The following LAMA3 variants were observed in gnomAD, a reference collection of about 807,000 sequenced individuals.
LAMA3 encodes the protein laminin subunit alpha 3, also known as laminin subunit alpha-3.
Under a neutral mutation model 402.0 loss-of-function variants are expected in LAMA3, and 281 were observed. That is an observed-to-expected ratio of 0.70 (90% CI 0.63 to 0.77). The LOEUF (loss-of-function observed/expected upper bound fraction) is 0.77, where lower values mean the gene tolerates loss of function less well. Among genes scored for constraint, LAMA3 ranks in the 30% least tolerant of loss-of-function variants. The pLI is 0.00. For synonymous variants in LAMA3, 1,431 were observed against 1,558.4 expected (o/e 0.92, Z 1.93); for missense variants, 3,840 against 4,215.5 (o/e 0.91, Z 2.47).
At chr18:23,782,414 G>T (rs1407330987) in intron 11 of LAMA3, among the ~76,000 whole-genome samples, 1 of 152,126 alleles carries the variant, frequency 6.6e-6, no homozygotes, top group African/African-American at 2.4e-5. Flanking sequence ...AAATTAGTCA[G>T]ATGTGGCACA....
chr18:23,730,363 T>C (rs1329683816), intron 2 of LAMA3, among the ~76,000 whole-genome samples: 2 of 142,104 alleles, frequency 1.4e-5, no homozygotes, highest in African/African-American at 5.1e-5. Flanking sequence ...TTTTTCTTTT[T>C]CTTTCTTTTT....
chr18:23,941,272 T>C (rs1248848470), intron 68 of LAMA3, among the ~76,000 whole-genome samples: 1 of 149,488 alleles, frequency 6.7e-6, no homozygotes, highest in Non-Finnish European at 1.5e-5. Context: ...GGAGGCCCCT[T>C]TCCCCAGCCT....
chr18:23,846,546 G>A (rs761927410), intron 31 of LAMA3, 38 bp downstream of exon 31: 10 of 1,560,674 alleles, frequency 6.4e-6, no homozygotes, highest in Non-Finnish European at 7.8e-6. Flanking sequence ...TTCTGCTCTG[G>A]TCCCGTGTGG....
intron 32 of LAMA3, among the ~76,000 whole-genome samples, chr18:23,857,466 C>G (rs1230746595): frequency 6.6e-6 from 1 of 152,252 alleles, no homozygotes; most frequent in Non-Finnish European, 1.5e-5. Flanking sequence ...GTCATTTCCC[C>G]CAGGGAAACT....
At chr18:23,838,933 G>A in intron 26 of LAMA3, 55 bp downstream of exon 26, 1 of 1,046,136 alleles carries the variant, frequency 9.6e-7, no homozygotes, top group South Asian at 1.3e-5. Context: ...ACTGGGATGA[G>A]TGTAAGGCTG....
chr18:23,776,680 T>C (rs2062326770), intron 10 of LAMA3, among the ~76,000 whole-genome samples: 1 of 152,088 alleles, frequency 6.6e-6, no homozygotes, highest in Non-Finnish European at 1.5e-5. Context: ...CTCACATGAA[T>C]GGGTAACTAT....
intron 8 of LAMA3, among the ~76,000 whole-genome samples, chr18:23,769,912 A>G (rs1398108724): frequency 6.6e-6 from 1 of 152,244 alleles, no homozygotes; most frequent in Admixed American, 6.5e-5. Flanking sequence ...AATGAATGGG[A>G]AAAAATATAC....
intron 27 of LAMA3, among the ~76,000 whole-genome samples, chr18:23,841,318 T>A (rs1415758320): frequency 6.6e-6 from 1 of 152,200 alleles, no homozygotes; most frequent in African/African-American, 2.4e-5. Flanking sequence ...AGTTAAAAGA[T>A]TCATTACTCA....
chr18:23,700,111 C>T (rs1267354050), intron 1 of LAMA3, among the ~76,000 whole-genome samples: 1 of 152,040 alleles, frequency 6.6e-6, no homozygotes, highest in Non-Finnish European at 1.5e-5. Flanking sequence ...GATCCATGAT[C>T]TTTTTTTGTC....
intron 8 of LAMA3, among the ~76,000 whole-genome samples, chr18:23,764,018 T>C (rs1264761112): frequency 1.3e-5 from 2 of 152,194 alleles, no homozygotes; most frequent in African/African-American, 2.4e-5. Flanking sequence ...GGAATTTAGT[T>C]AAGGGAGTGT....
chr18:23,726,867 C>G (rs1176375743), intron 2 of LAMA3, among the ~76,000 whole-genome samples: 1 of 152,160 alleles, frequency 6.6e-6, no homozygotes, highest in Non-Finnish European at 1.5e-5. Context: ...ATCTGCCTGC[C>G]TCGGCCTCTG....
At chr18:23,728,232 G>A (rs371289767) in intron 2 of LAMA3, among the ~76,000 whole-genome samples, 6 of 152,110 alleles carry the variant, frequency 3.9e-5, no homozygotes, top group East Asian at 1.9e-4. Context: ...GTCCACTTAC[G>A]CCTGTTCTGT....
At chr18:23,731,269 T>G (rs2061390618) in intron 2 of LAMA3, among the ~76,000 whole-genome samples, 1 of 152,078 alleles carries the variant, frequency 6.6e-6, no homozygotes, top group Non-Finnish European at 1.5e-5. Flanking sequence ...TAGCTAAGAG[T>G]GGGATTCTAA....
chr18:23,773,714 G>A lies in LAMA3; in HGVS notation c.1273+127G>A, dbSNP rs183669355. The A allele has an allele frequency of 6.8e-5, 48 of 707,568 alleles. No homozygotes were observed. The East Asian group carries it at 9.2e-4, about 14-fold the overall frequency. 43.8% of individuals were successfully genotyped at this position (707,568 alleles called of 1,614,324 possible). A position where few individuals can be genotyped will look rare whatever the true frequency, so the allele number is the denominator to read the frequency against. ...TCTCTTCAGAGTATTAGTTGTGCTCGCTATGTGACCTCAGTCACTTACACA... is the reference window on the plus strand; with the variant it reads ...TCTCTTCAGAGTATTAGTTGTGCTCACTATGTGACCTCAGTCACTTACACA... On this transcript the variant is annotated intron_variant, in intron 9 of 74. Coordinates refer to ENST00000313654, the MANE Select transcript of LAMA3 (RefSeq NM_198129.4).
intron 34 of LAMA3, 120 bp downstream of exon 34, chr18:23,858,949 A>T: frequency 9.5e-7 from 1 of 1,054,036 alleles, no homozygotes; most frequent in Non-Finnish European, 1.5e-6. Flanking sequence ...TGAATTCGTC[A>T]GTTGTTTGCT....
At chr18:23,948,419 C>G (rs1257038890) in intron 70 of LAMA3, among the ~76,000 whole-genome samples, 1 of 152,090 alleles carries the variant, frequency 6.6e-6, no homozygotes, top group African/African-American at 2.4e-5. Context: ...GGGTTCTGGC[C>G]CATCCTGGGG....
intron 8 of LAMA3, among the ~76,000 whole-genome samples, chr18:23,768,286 C>T (rs2062121760): frequency 6.6e-6 from 1 of 151,764 alleles, no homozygotes; most frequent in Non-Finnish European, 1.5e-5. Flanking sequence ...TTAAATAGTT[C>T]AGCAAGCAAA....
chr18:23,750,942 C>G lies in LAMA3; in HGVS notation c.709C>G (p.Arg237Gly). The change falls in exon 5 of 75, where the codon CGT becomes GGT. Residue 237 changes from arginine to glycine, a missense_variant. By Grantham distance (125) the Arg-to-Gly change is moderately radical. This residue lies in a region of LAMA3 where 2,109 missense variants were observed against 2,376.0 expected (regional missense o/e 0.89). Transcript: ENST00000313654. ...GEVVVSLING[R>G]PGAKNFTFSH... The stretch of plus-strand genomic sequence containing the variant: ...GGTTGTGGTGTCCTTGATAAACGGT[C>G]GTCCAGGTGCAAAAAATTTTACTTT... 1 of 1,614,018 alleles carries G rather than the reference C, an allele frequency of 6.2e-7. No individual in the cohort carries two copies. Among genetic ancestry groups the G allele is most frequent in the Non-Finnish European group, 8.5e-7 (1 of 1,179,992 alleles).
intron 34 of LAMA3, among the ~76,000 whole-genome samples, chr18:23,861,384 T>G (rs2064215805): frequency 6.6e-6 from 1 of 152,198 alleles, no homozygotes; most frequent in African/African-American, 2.4e-5. Context: ...GATCACCTAC[T>G]AAATGTCAAG....
Sources: gnomAD v4.1 joint callset for allele counts (sites outside exome capture counted in the v4.1 genomes callset) on GRCh38, gnomAD v4.1.1 for gene constraint, gnomAD v4.1.1 regional missense constraint, MANE v1.5 for transcripts, NCBI Gene and HGNC (gene_info 2026-07-23, HGNC 2026-07-21) for gene names.